The following MARCHF1 variants were observed in gnomAD, a reference collection of about 807,000 sequenced individuals.
The protein encoded by MARCHF1 is membrane associated ring-CH-type finger 1.
In MARCHF1, 40 loss-of-function variants were observed where a neutral mutation model predicts 54.2. The observed-to-expected ratio is 0.74, with a 90% CI of 0.57 to 0.96. The LOEUF (loss-of-function observed/expected upper bound fraction) is 0.96. Among genes scored for constraint, MARCHF1 ranks in the 40% least tolerant of loss-of-function variants. The pLI is 0.00. For synonymous variants in MARCHF1, 236 were observed against 236.3 expected (o/e 1.00, Z 0.01); for missense variants, 586 against 656.5 (o/e 0.89, Z 1.17).
chr4:164,137,519 C>G (rs974125040), intron 1 of MARCHF1, among the ~76,000 whole-genome samples: 3 of 151,890 alleles, frequency 2.0e-5, no homozygotes, highest in African/African-American at 4.8e-5. Context: ...ACGATATTAG[C>G]GGAAAATGCG....
At chr4:164,199,718 G>GAA (rs1560950993) in intron 1 of MARCHF1, among the ~76,000 whole-genome samples, 3 of 139,194 alleles carry the variant, frequency 2.2e-5, no homozygotes, top group African/African-American at 2.8e-5. Context: ...AGAGAAGAGA[G>GAA]GAGAAGAGAA....
intron 1 of MARCHF1, among the ~76,000 whole-genome samples, chr4:164,265,139 AT>A (rs1417086978): frequency 1.3e-5 from 2 of 152,246 alleles, no homozygotes; most frequent in East Asian, 3.9e-4. Context: ...CATTCATAAT[AT>A]AAAGTATAAA....
chr4:164,145,206 G>C (rs1729643739), intron 1 of MARCHF1, among the ~76,000 whole-genome samples: 1 of 151,930 alleles, frequency 6.6e-6, no homozygotes, highest in South Asian at 2.1e-4. Flanking sequence ...AAAGAGTCCA[G>C]GACCAGATGG....
In MARCHF1 at chr4:164,156,093, A is replaced by C. The variant is rs1307231327; in HGVS notation, c.-322-44431T>G. Among the ~76,000 whole-genome samples, 3 of 152,092 alleles carry C rather than the reference A, an allele frequency of 2.0e-5. No homozygotes were observed. The East Asian group carries it at 5.8e-4, about 29-fold the overall frequency. On this transcript the variant is annotated intron_variant, in intron 1 of 9. Coordinates refer to ENST00000514618, the MANE Select transcript of MARCHF1 (RefSeq NM_001394959.1). The stretch of plus-strand genomic sequence containing the variant: ...TTCAAAGATGGTTTATAGACTATTT[A>C]CTCCAGAATTACCTAGGGCTCTTGT...
intron 1 of MARCHF1, among the ~76,000 whole-genome samples, chr4:164,156,184 G>A (rs1284134770): frequency 6.6e-6 from 1 of 152,072 alleles, no homozygotes; most frequent in Non-Finnish European, 1.5e-5. Context: ...GAGGCCCCCA[G>A]TTCTACATTT....
chr4:164,320,182 G>A (rs12510381), intron 1 of MARCHF1, among the ~76,000 whole-genome samples: 22,219 of 152,046 alleles, frequency 0.15, 2,485 homozygotes, highest in East Asian at 0.43. Context: ...AAACCAAAAC[G>A]ATATTTCTAT....
chr4:163,963,322 A>G (rs920630232), intron 3 of MARCHF1, among the ~76,000 whole-genome samples: 4 of 151,866 alleles, frequency 2.6e-5, no homozygotes, highest in Non-Finnish European at 4.4e-5. Context: ...ACCTCCAAAA[A>G]ATTCTTGTTG....
intron 1 of MARCHF1, among the ~76,000 whole-genome samples, chr4:164,193,119 C>G (rs1464900516): frequency 6.6e-6 from 1 of 152,134 alleles, no homozygotes; most frequent in Non-Finnish European, 1.5e-5. Context: ...TATTTGACCT[C>G]TGAAGGACCT....
Position 164,176,960 on chromosome 4 carries a change from CTCTCT to C in MARCHF1, c.-322-65303_-322-65299del, listed in dbSNP as rs1284685929. ...TTGTGCGCTCTCTCTCTCTCTCTCT[CTCTCT>C]CTCTCTCTCTCTCTCTATATATATA... On this transcript the variant is annotated intron_variant, in intron 1 of 9. Transcript: ENST00000514618. 3.5e-3 allele frequency among the ~76,000 whole-genome samples: 166 copies of C among 47,812 alleles called. 9 individuals carry two copies. The highest frequency in any genetic ancestry group is 0.011 in the South Asian group (11 of 970). 31.4% of individuals were successfully genotyped at this position (47,812 alleles called of 152,430 possible). A position where few individuals can be genotyped will look rare whatever the true frequency, so the allele number is the denominator to read the frequency against.
chr4:164,057,762 A>G (rs1754527198), intron 2 of MARCHF1, among the ~76,000 whole-genome samples: 1 of 152,220 alleles, frequency 6.6e-6, no homozygotes, highest in South Asian at 2.1e-4. Context: ...TTCATGTAAG[A>G]GGAAAATATA....
intron 9 of MARCHF1, among the ~76,000 whole-genome samples, 159 bp from the exon 10 acceptor site, chr4:163,529,205 G>A (rs756917457): frequency 1.3e-5 from 2 of 151,674 alleles, no homozygotes; most frequent in Non-Finnish European, 2.9e-5. Flanking sequence ...ATTATAACCC[G>A]AATTGGCGTA....
At chr4:164,338,982 A>T (rs181520642) in intron 1 of MARCHF1, among the ~76,000 whole-genome samples, 3 of 151,906 alleles carry the variant, frequency 2.0e-5, no homozygotes, top group South Asian at 2.1e-4. Flanking sequence ...CAAAAAAAAT[A>T]AATAAATAAA....
At chr4:163,717,965 T>C (rs1745319362) in intron 4 of MARCHF1, among the ~76,000 whole-genome samples, 1 of 152,114 alleles carries the variant, frequency 6.6e-6, no homozygotes, top group South Asian at 2.1e-4. Context: ...TATAGACCAA[T>C]GGAACAGAAC....
chr4:163,840,059 G>T (rs1253594360), intron 4 of MARCHF1, among the ~76,000 whole-genome samples: 1 of 152,056 alleles, frequency 6.6e-6, no homozygotes, highest in Admixed American at 6.6e-5. Flanking sequence ...GACATTAAGT[G>T]AACAATAGGA....
intron 5 of MARCHF1, among the ~76,000 whole-genome samples, chr4:163,677,880 A>C (rs576446790): frequency 1.2e-4 from 18 of 152,370 alleles, no homozygotes; most frequent in Non-Finnish European, 1.9e-4. Context: ...CCAGTTGTGT[A>C]ATTTTACAAC....
chr4:164,297,721 G>A (rs1734448016), intron 1 of MARCHF1, among the ~76,000 whole-genome samples: 1 of 152,090 alleles, frequency 6.6e-6, no homozygotes, highest in African/African-American at 2.4e-5. Context: ...TCTTAGTTTT[G>A]ATAAATATAC....
intron 5 of MARCHF1, among the ~76,000 whole-genome samples, chr4:163,622,607 C>T (rs570263138): frequency 5.9e-4 from 89 of 152,134 alleles, no homozygotes; most frequent in African/African-American, 1.8e-3. Context: ...AGTAACTATA[C>T]GTAGCAAACA....
At chr4:164,078,810 C>T (rs1054131258) in intron 2 of MARCHF1, among the ~76,000 whole-genome samples, 1 of 151,938 alleles carries the variant, frequency 6.6e-6, no homozygotes. Context: ...CACAACTATA[C>T]CTAATGTTAA....
At position 163,526,829 on chromosome 4, in the gene MARCHF1, C is replaced by CAT. The variant is rs1377002097; in HGVS notation, c.*1918_*1919insAT. The CAT allele has an allele frequency of 1.3e-5, 2 of 151,940 alleles. No individual in the cohort carries two copies. Among genetic ancestry groups the CAT allele is most frequent in the Non-Finnish European group, 2.9e-5 (2 of 67,894 alleles). The allele number at this position is 151,940 out of a possible 1,614,324, so 9.4% of individuals were successfully genotyped here. A position where few individuals can be genotyped will look rare whatever the true frequency, so the allele number is the denominator to read the frequency against. ...TTCCCCGCATATATACATGACTACA[C>CAT]ACACGCCATACACACACACAAAATT... is the stretch of plus-strand genomic sequence containing the variant. On this transcript the variant is annotated 3_prime_UTR_variant, in exon 10 of 10. Transcript: ENST00000514618.
Sources: gnomAD v4.1 joint callset for allele counts (sites outside exome capture counted in the v4.1 genomes callset) on GRCh38, gnomAD v4.1.1 for gene constraint, MANE v1.5 for transcripts, NCBI Gene and HGNC (gene_info 2026-07-23, HGNC 2026-07-21) for gene names.